The following ACOXL variants were observed in gnomAD, a reference collection of about 807,000 sequenced individuals.
The protein encoded by ACOXL is acyl-CoA oxidase like, also known as acyl-coenzyme A oxidase-like protein.
ACOXL carries 70 observed loss-of-function variants against 71.9 expected under a neutral mutation model. The ratio of observed to expected loss-of-function variants is 0.97; its 90% CI spans 0.80 to 1.19. The LOEUF (loss-of-function observed/expected upper bound fraction) is 1.19. Ranked by LOEUF, ACOXL falls within the 50% of genes most tolerant of loss-of-function variation. ACOXL has a pLI of 0.00. For synonymous variants in ACOXL, 253 were observed against 281.6 expected (o/e 0.90, Z 1.02); for missense variants, 703 against 736.3 (o/e 0.95, Z 0.52).
intron 16 of ACOXL, among the ~76,000 whole-genome samples, chr2:111,059,262 A>T (rs2066692080): frequency 6.6e-6 from 1 of 152,198 alleles, no homozygotes; most frequent in African/African-American, 2.4e-5. Flanking sequence ...ATAGTAAAAA[A>T]CTGGAATTGG....
chr2:110,745,414 C>T (rs538634245), intron 1 of ACOXL, among the ~76,000 whole-genome samples: 77 of 152,320 alleles, frequency 5.1e-4, no homozygotes, highest in Non-Finnish European at 9.4e-4. Context: ...CTGCCCACAC[C>T]AGAAGGTGGG....
At chr2:111,021,510 C>T (rs2064757792) in intron 14 of ACOXL, among the ~76,000 whole-genome samples, 1 of 152,148 alleles carries the variant, frequency 6.6e-6, no homozygotes, top group African/African-American at 2.4e-5. Flanking sequence ...TCAGAAGCCA[C>T]CAGTGAGCCG....
chr2:110,858,582 A>G (rs1213844341), intron 10 of ACOXL, among the ~76,000 whole-genome samples: 1 of 152,224 alleles, frequency 6.6e-6, no homozygotes, highest in Non-Finnish European at 1.5e-5. Context: ...TGCTAGCCAC[A>G]TCTGTCCTCA....
chr2:110,898,738 A>G (rs1001759073), intron 10 of ACOXL, among the ~76,000 whole-genome samples: 7 of 152,230 alleles, frequency 4.6e-5, no homozygotes, highest in African/African-American at 1.2e-4. Flanking sequence ...AGTTGTAGCC[A>G]GTGCAATAGG....
chr2:110,952,356 G>A (rs187138658), intron 12 of ACOXL, among the ~76,000 whole-genome samples: 19 of 152,120 alleles, frequency 1.2e-4, no homozygotes, highest in Middle Eastern at 3.4e-3. Context: ...TTCCACAGCC[G>A]CCTTGTCACT....
At chr2:110,764,702 C>T (rs1680824479) in intron 1 of ACOXL, among the ~76,000 whole-genome samples, 1 of 152,126 alleles carries the variant, frequency 6.6e-6, no homozygotes, top group Admixed American at 6.6e-5. Flanking sequence ...ATATACCACT[C>T]TGGTGGGGGA....
chr2:110,864,174 A>G (rs932553614), intron 10 of ACOXL, among the ~76,000 whole-genome samples: 3 of 152,044 alleles, frequency 2.0e-5, no homozygotes, highest in African/African-American at 7.2e-5. Context: ...GACTCCTGTC[A>G]CTCACTGTGT....
chr2:110,955,716 C>T (rs1465508094), intron 12 of ACOXL, among the ~76,000 whole-genome samples: 1 of 152,010 alleles, frequency 6.6e-6, no homozygotes, highest in Non-Finnish European at 1.5e-5. Flanking sequence ...ATTCTGTACC[C>T]CTTCATGCCT....
chr2:111,114,137 A>C (rs564884487), intron 17 of ACOXL: 35 of 152,812 alleles, frequency 2.3e-4, no homozygotes, highest in African/African-American at 7.9e-4. Context: ...GGCTAGTCTT[A>C]CCTGGGATCA....
intron 17 of ACOXL, chr2:111,114,110 A>G (rs1182039965): frequency 6.5e-6 from 1 of 152,704 alleles, no homozygotes; most frequent in South Asian, 2.1e-4. Flanking sequence ...GTGGGCAGGC[A>G]GCCTGGACAG....
chr2:111,038,923 C>T (rs1184198403), intron 15 of ACOXL, among the ~76,000 whole-genome samples: 1 of 152,208 alleles, frequency 6.6e-6, no homozygotes, highest in African/African-American at 2.4e-5. Flanking sequence ...AAGCAACTGT[C>T]TGTTGACAAC....
intron 17 of ACOXL, 23 bp from the exon 18 acceptor site, chr2:111,117,593 T>TC: frequency 1.3e-6 from 2 of 1,551,524 alleles, no homozygotes; most frequent in Non-Finnish European, 1.7e-6. Context: ...ATCTGACCTG[T>TC]CCCATTGTGT....
intron 1 of ACOXL, among the ~76,000 whole-genome samples, chr2:110,759,853 G>A (rs959974677): frequency 6.6e-6 from 1 of 152,028 alleles, no homozygotes; most frequent in African/African-American, 2.4e-5. Flanking sequence ...ATTTGTCCAA[G>A]TCTTCTCTTG....
intron 9 of ACOXL, among the ~76,000 whole-genome samples, chr2:110,809,460 C>T (rs1431004876): frequency 2.6e-5 from 4 of 152,216 alleles, no homozygotes; most frequent in Non-Finnish European, 4.4e-5. Flanking sequence ...AGAGCCTGAA[C>T]GATGATCTCC....
chr2:110,955,429 C>CCT (rs71383893), intron 12 of ACOXL, among the ~76,000 whole-genome samples: 2,961 of 140,988 alleles, frequency 0.021, 43 homozygotes, highest in Middle Eastern at 0.047. Context: ...AGTCCACCTC[C>CCT]CTCTCTCTCT....
chr2:111,024,020 C>T (rs1441856081), intron 14 of ACOXL, among the ~76,000 whole-genome samples: 1 of 152,154 alleles, frequency 6.6e-6, no homozygotes, highest in Non-Finnish European at 1.5e-5. Context: ...GGACTGTGAT[C>T]ACCTTTAACA....
intron 4 of ACOXL, 135 bp from the exon 5 acceptor site, chr2:110,793,941 C>A: frequency 1.1e-6 from 1 of 890,222 alleles, no homozygotes. Flanking sequence ...CATTCGCTGT[C>A]ATCAGACTGC....
intron 10 of ACOXL, among the ~76,000 whole-genome samples, chr2:110,880,080 A>G (rs1696427461): frequency 7.0e-6 from 1 of 143,440 alleles, no homozygotes; most frequent in Non-Finnish European, 1.5e-5. Flanking sequence ...TGGGAGGTGG[A>G]GGTTGCAGTG....
At chr2:110,824,792 C>A (rs1688989182) in intron 9 of ACOXL, among the ~76,000 whole-genome samples, 1 of 152,052 alleles carries the variant, frequency 6.6e-6, no homozygotes, top group South Asian at 2.1e-4. Flanking sequence ...CTAATAATTC[C>A]AACATCTGGA....
Sources: allele counts gnomAD v4.1 joint callset (sites outside exome capture counted in the v4.1 genomes callset), GRCh38; gene constraint gnomAD v4.1.1; transcripts MANE v1.5; gene names NCBI Gene and HGNC (gene_info 2026-07-23, HGNC 2026-07-21).